SMIM35: variants seen among roughly 807,000 people sequenced by gnomAD.
The protein encoded by SMIM35 is small integral membrane protein 35.
intron 1 of SMIM35, chr11:118,025,590 C>G (rs1388295306): frequency 2.2e-6 from 1 of 453,972 alleles, no homozygotes; most frequent in Non-Finnish European, 4.4e-6. Flanking sequence ...TGTATGTCTT[C>G]TTTTGAGAAG....
chr11:118,055,356 G>A (rs935211706), intron 1 of SMIM35, among the ~76,000 whole-genome samples: 3 of 152,066 alleles, frequency 2.0e-5, no homozygotes, highest in Non-Finnish European at 4.4e-5. Flanking sequence ...GAAGTCATGC[G>A]CTATTCCTGG....
At chr11:118,068,857 C>T (rs909353767) in intron 1 of SMIM35, among the ~76,000 whole-genome samples, 2 of 152,182 alleles carry the variant, frequency 1.3e-5, no homozygotes, top group African/African-American at 4.8e-5. Context: ...GGTCTCTCCC[C>T]ACGCATCACT....
At chr11:118,082,163 C>G (rs1350846360) in intron 1 of SMIM35, among the ~76,000 whole-genome samples, 2 of 152,188 alleles carry the variant, frequency 1.3e-5, no homozygotes, top group East Asian at 3.8e-4. Flanking sequence ...CCAAATGCAA[C>G]AAGGGCCCCA....
intron 1 of SMIM35, among the ~76,000 whole-genome samples, chr11:118,086,264 G>C (rs994993045): frequency 1.3e-5 from 2 of 152,244 alleles, no homozygotes; most frequent in Non-Finnish European, 2.9e-5. Flanking sequence ...CTGAACAGCA[G>C]GCTGGCAGGG....
At chr11:118,030,607 T>C (rs942580994) in intron 1 of SMIM35, among the ~76,000 whole-genome samples, 16 of 151,980 alleles carry the variant, frequency 1.1e-4, no homozygotes, top group Admixed American at 3.3e-4. Context: ...GCGGGGTCCA[T>C]GGAGAAGGGC....
intron 1 of SMIM35, among the ~76,000 whole-genome samples, chr11:118,065,730 T>C (rs1328917754): frequency 1.3e-5 from 2 of 152,184 alleles, no homozygotes; most frequent in Admixed American, 6.5e-5. Context: ...GAAAATTCTG[T>C]ACCCAGTCCC....
chr11:118,035,953 T>C (rs2058356724), intron 1 of SMIM35, among the ~76,000 whole-genome samples: 1 of 152,212 alleles, frequency 6.6e-6, no homozygotes, highest in South Asian at 2.1e-4. Context: ...AGTGGCACAG[T>C]CTCGGCTCAC....
intron 1 of SMIM35, among the ~76,000 whole-genome samples, chr11:118,042,050 CAA>C (rs1555073496): frequency 2.4e-5 from 1 of 40,892 alleles, no homozygotes; most frequent in Non-Finnish European, 4.7e-5. Flanking sequence ...GACTCTGTCA[CAA>C]ATGAAAAAAA....
At chr11:118,051,258 G>A (rs1027680351) in intron 1 of SMIM35, among the ~76,000 whole-genome samples, 1 of 152,168 alleles carries the variant, frequency 6.6e-6, no homozygotes, top group East Asian at 1.9e-4. Flanking sequence ...AAACAGATGG[G>A]AGTTTCTCAC....
At chr11:118,085,962 A>G (rs1804902536) in intron 1 of SMIM35, among the ~76,000 whole-genome samples, 1 of 152,242 alleles carries the variant, frequency 6.6e-6, no homozygotes, top group Non-Finnish European at 1.5e-5. Flanking sequence ...CCCCTAGGAC[A>G]AAGAGAAGGA....
intron 1 of SMIM35, among the ~76,000 whole-genome samples, chr11:118,016,603 G>A (rs975500177): frequency 6.6e-6 from 1 of 152,204 alleles, no homozygotes; most frequent in African/African-American, 2.4e-5. Flanking sequence ...CAAGAGGCCA[G>A]GAGGTGCAGT....
At chr11:118,081,421 C>T (rs776473819) in intron 1 of SMIM35, among the ~76,000 whole-genome samples, 2 of 152,216 alleles carry the variant, frequency 1.3e-5, no homozygotes, top group African/African-American at 2.4e-5. Flanking sequence ...ACCAGCACGT[C>T]GGCAGCTGAG....
intron 1 of SMIM35, among the ~76,000 whole-genome samples, chr11:118,016,260 T>C (rs1322400441): frequency 6.6e-6 from 1 of 152,312 alleles, no homozygotes; most frequent in East Asian, 1.9e-4. Flanking sequence ...GTGTTAACCC[T>C]TGGGCTCTGT....
chr11:118,013,559 G>T (rs1469625670), intron 4 of SMIM35, 189 bp downstream of exon 4: 2 of 367,042 alleles, frequency 5.4e-6, no homozygotes, highest in East Asian at 7.9e-5. Flanking sequence ...AACAGGGCAG[G>T]CCCAGTGCCA....
intron 1 of SMIM35, among the ~76,000 whole-genome samples, chr11:118,080,697 G>A (rs1218892681): frequency 1.3e-5 from 2 of 152,192 alleles, no homozygotes; most frequent in Non-Finnish European, 2.9e-5. Flanking sequence ...GGGGTCATGG[G>A]TAGAGGGAGA....
chr11:118,011,678 C>T (rs756670310), intron 4 of SMIM35, among the ~76,000 whole-genome samples: 1 of 152,032 alleles, frequency 6.6e-6, no homozygotes, highest in African/African-American at 2.4e-5. Flanking sequence ...GGCAACAGGG[C>T]AAGACTCCAT....
chr11:118,029,669 T>C (rs1286096796), intron 1 of SMIM35: 1 of 457,160 alleles, frequency 2.2e-6, no homozygotes, highest in African/African-American at 2.0e-5. Flanking sequence ...ATCAGTTGGG[T>C]CTAGTTTGCA....
intron 4 of SMIM35, among the ~76,000 whole-genome samples, chr11:118,010,712 A>T (rs561511844): frequency 1.6e-3 from 240 of 152,306 alleles, no homozygotes; most frequent in African/African-American, 5.4e-3. Context: ...GAGGGGCTGC[A>T]GGGACAAGAG....
intron 1 of SMIM35, chr11:118,029,083 G>A: frequency 3.4e-6 from 1 of 296,798 alleles, no homozygotes. Flanking sequence ...TCAAATAAAG[G>A]ACATGGCAAT....
Sources: gnomAD v4.1 joint callset for allele counts (sites outside exome capture counted in the v4.1 genomes callset) on GRCh38, gnomAD v4.1.1 for gene constraint, MANE v1.5 for transcripts, NCBI Gene and HGNC (gene_info 2026-07-23, HGNC 2026-07-21) for gene names.